Variants in KIF27 observed in about 807,000 individuals in gnomAD.
KIF27 encodes the protein kinesin family member 27, also known as kinesin-like protein KIF27.
KIF27 carries 84 observed loss-of-function variants against 141.8 expected under a neutral mutation model. That is an observed-to-expected ratio of 0.59 (90% CI 0.50 to 0.71). KIF27 has a LOEUF of 0.71. Among genes scored for constraint, KIF27 ranks in the 30% least tolerant of loss-of-function variants. The probability of loss-of-function intolerance (pLI) is 0.00; values close to 1 mark genes in which losing one functional copy is unlikely to be tolerated. For missense variants in KIF27, 1,306 were observed against 1,628.4 expected, an observed-to-expected ratio of 0.80 and a Z score of 3.41; for synonymous variants, 471 against 569.5, an observed-to-expected ratio of 0.83 and a Z score of 2.46.
At position 83,880,278 on chromosome 9, in the gene KIF27, G is replaced by A. The variant is rs770218958; in HGVS notation, c.2643+19C>T. On this transcript the variant is annotated intron_variant, in intron 11 of 17. Transcript: ENST00000297814. ...TAACATTTCATATTATACTTAGCAGGAATGTATGACAATATTACTTTGATT... is the reference window on the plus strand; with the variant it reads ...TAACATTTCATATTATACTTAGCAGAAATGTATGACAATATTACTTTGATT... The A allele has an allele frequency of 9.3e-6, 15 of 1,613,402 alleles. No homozygotes were observed. Among genetic ancestry groups the A allele is most frequent in the East Asian group, 6.7e-5 (3 of 44,884 alleles).
intron 4 of KIF27, among the ~76,000 whole-genome samples, chr9:83,902,162 T>G (rs1316995750): frequency 6.6e-6 from 1 of 152,178 alleles, no homozygotes; most frequent in Non-Finnish European, 1.5e-5. Context: ...TAAAAAGGCT[T>G]TGAGGAAATA....
At chr9:83,908,783 G>C (rs144194298) in intron 2 of KIF27, 131 bp from the exon 3 acceptor site, 1 of 453,432 alleles carries the variant, frequency 2.2e-6, no homozygotes, top group Non-Finnish European at 3.7e-6. Flanking sequence ...GCGGGGGGAC[G>C]GAGTCTTGCT....
chr9:83,891,639 C>G, intron 5 of KIF27, 138 bp from the exon 6 acceptor site: 3 of 837,090 alleles, frequency 3.6e-6, no homozygotes, highest in Non-Finnish European at 3.6e-6. Flanking sequence ...CAGAGACTAG[C>G]TCTCTGGTGT....
intron 3 of KIF27, among the ~76,000 whole-genome samples, chr9:83,906,655 A>T (rs1241214654): frequency 6.7e-6 from 1 of 150,244 alleles, no homozygotes; most frequent in Non-Finnish European, 1.5e-5. Flanking sequence ...AGGTAGGAGG[A>T]TCACTTGAGC....
chr9:83,865,454 G>T (rs1423303323), intron 13 of KIF27, among the ~76,000 whole-genome samples: 1 of 151,842 alleles, frequency 6.6e-6, no homozygotes, highest in South Asian at 2.1e-4. Context: ...CCACAACCAC[G>T]CCTGGCTAAT....
At chr9:83,845,303 A>G (rs1210096942) in intron 16 of KIF27, among the ~76,000 whole-genome samples, 1 of 152,196 alleles carries the variant, frequency 6.6e-6, no homozygotes, top group Non-Finnish European at 1.5e-5. Context: ...TGAACTGCCT[A>G]TCATGAACTG....
chr9:83,854,619 CAA>C (rs1034977912), intron 14 of KIF27, among the ~76,000 whole-genome samples: 1 of 152,082 alleles, frequency 6.6e-6, no homozygotes, highest in Non-Finnish European at 1.5e-5. Context: ...AGGCTGAACT[CAA>C]AAGTCTTGGG....
At chr9:83,859,606 A>G (rs1949655628) in intron 13 of KIF27, 1 of 454,162 alleles carries the variant, frequency 2.2e-6, no homozygotes, top group East Asian at 4.0e-5. Flanking sequence ...ACCTCAGCTC[A>G]CTGCAACCTC....
intron 3 of KIF27, among the ~76,000 whole-genome samples, chr9:83,907,215 G>A (rs1954645641): frequency 3.3e-5 from 5 of 151,174 alleles, no homozygotes; most frequent in Admixed American, 1.3e-4. Flanking sequence ...GCGTGAACCC[G>A]GGAGGCGGAG....
At position 83,853,846 on chromosome 9, in the gene KIF27, C is replaced by T. The variant is rs182257916; in HGVS notation, c.3151-11G>A. ...AAGAACATGTTCTTCCTAGATATAA[C>T]AGAAATCACTCATTTTAAATGAAAT... On this transcript the variant is annotated splice_polypyrimidine_tract_variant and intron_variant, in intron 14 of 17. Transcript: ENST00000297814. The T allele has an allele frequency of 1.3e-6, 2 of 1,550,468 alleles. No individual in the cohort carries two copies. The highest frequency in any genetic ancestry group is 2.2e-5 in the East Asian group (1 of 44,468).
At chr9:83,871,913 G>A (rs1950827176) in intron 11 of KIF27, among the ~76,000 whole-genome samples, 1 of 151,118 alleles carries the variant, frequency 6.6e-6, no homozygotes, top group Non-Finnish European at 1.5e-5. Flanking sequence ...TGTTGGCCAG[G>A]CTGGTCTCGA....
chr9:83,839,084 C>G (rs1262766625), intron 17 of KIF27, among the ~76,000 whole-genome samples: 1 of 151,966 alleles, frequency 6.6e-6, no homozygotes, highest in Non-Finnish European at 1.5e-5. Context: ...TGCTCAAGCA[C>G]AGGAGTTTGA....
rs566807037 is a variant in KIF27, at chr9:83,905,384, C to T, written c.500-1366G>A. On this transcript the variant is annotated intron_variant, in intron 3 of 17. Transcript: ENST00000297814. Reference sequence around the variant, plus strand: ...CCACCTGCCTCGGCCTCCCAAAGTGCTGGGATTACAGGCGTGAGCCACCGC... The same window carrying T: ...CCACCTGCCTCGGCCTCCCAAAGTGTTGGGATTACAGGCGTGAGCCACCGC... 1.6e-3 allele frequency among the ~76,000 whole-genome samples: 245 copies of T among 152,308 alleles called. 1 individual carries two copies. Among genetic ancestry groups the T allele is most frequent in the Non-Finnish European group, 1.6e-3 (111 of 68,036 alleles).
Position 83,870,530 on chromosome 9 carries a change from C to T in KIF27, c.2746G>A (p.Asp916Asn). 1 of 1,613,812 alleles carries T rather than the reference C, an allele frequency of 6.2e-7. No individual in the cohort carries two copies. The highest frequency in any genetic ancestry group is 2.2e-5 in the East Asian group (1 of 44,874). The change falls in exon 12 of 18, where the codon GAC (aspartate) becomes AAC (asparagine). Residue 916 changes from aspartate (D) to asparagine (N), a missense_variant. This residue lies in a region of KIF27 where 596 missense variants were observed against 751.6 expected (regional missense o/e 0.79). Transcript: ENST00000297814. ...TAGAATTGACAAACCTGGAGATGGTCTATACTTCCAAACGAACCTTTTCTC... is the reference window on the plus strand; with the variant it reads ...TAGAATTGACAAACCTGGAGATGGTTTATACTTCCAAACGAACCTTTTCTC... The part of the protein sequence containing the change: ...KRRKGSFGSI[D>N]HLQKLDEQKK...
chr9:83,883,696 A>C, intron 10 of KIF27, 117 bp downstream of exon 10: 1 of 655,984 alleles, frequency 1.5e-6, no homozygotes, highest in South Asian at 1.9e-5. Context: ...AGAAAAGTTG[A>C]TACCCAGTTT....
chr9:83,895,976 T>C (rs575879980), intron 5 of KIF27, among the ~76,000 whole-genome samples: 114 of 134,740 alleles, frequency 8.5e-4, no homozygotes, highest in Admixed American at 7.8e-3. Context: ...CACTTGAACC[T>C]AGGAGGCAGA....
intron 16 of KIF27, chr9:83,848,806 T>C (rs1948182150): frequency 6.6e-6 from 1 of 151,388 alleles, no homozygotes; most frequent in Admixed American, 6.6e-5. Context: ...TAGAAATGAA[T>C]GACTTTTTTA....
chr9:83,896,496 C>A (rs188097774), intron 5 of KIF27, among the ~76,000 whole-genome samples: 8 of 151,832 alleles, frequency 5.3e-5, no homozygotes, highest in Non-Finnish European at 1.0e-4. Context: ...AAATCAAGTA[C>A]CTAAAAAGAA....
chr9:83,920,837 ATG>A (rs1956191862), intron 1 of KIF27, among the ~76,000 whole-genome samples: 1 of 102,688 alleles, frequency 9.7e-6, no homozygotes, highest in African/African-American at 3.5e-5. Context: ...ACGGTAGGAA[ATG>A]CGCCCAAGTT....
Sources: allele counts gnomAD v4.1 joint callset (sites outside exome capture counted in the v4.1 genomes callset), GRCh38; gene constraint gnomAD v4.1.1; regional missense constraint gnomAD v4.1.1; transcripts MANE v1.5; gene names NCBI Gene and HGNC (gene_info 2026-07-23, HGNC 2026-07-21).